MGRN1: variants seen among roughly 807,000 people sequenced by gnomAD.
MGRN1 encodes the protein mahogunin ring finger 1, also known as E3 ubiquitin-protein ligase MGRN1.
In MGRN1, 29 loss-of-function variants were observed where a neutral mutation model predicts 69.2. The observed-to-expected ratio is 0.42, with a 90% CI of 0.31 to 0.57. The LOEUF (loss-of-function observed/expected upper bound fraction) is 0.57. Among genes scored for constraint, MGRN1 ranks in the 20% least tolerant of loss-of-function variants. The pLI is 0.15. For synonymous variants in MGRN1, 470 were observed against 344.2 expected (o/e 1.37, Z -4.04); for missense variants, 998 against 796.2 (o/e 1.25, Z -3.05).
At chr16:4,674,152 T>C (rs1326576972) in intron 10 of MGRN1, among the ~76,000 whole-genome samples, 3 of 152,090 alleles carry the variant, frequency 2.0e-5, no homozygotes, top group Non-Finnish European at 2.9e-5. Flanking sequence ...GGCCAGCTAA[T>C]ATTTTACTTT....
chr16:4,659,625 C>A (rs147319611), intron 5 of MGRN1, among the ~76,000 whole-genome samples: 1 of 152,244 alleles, frequency 6.6e-6, no homozygotes. Flanking sequence ...AAGGAGGGCC[C>A]GCGTGCAGCA....
In MGRN1 at chr16:4,657,738, CTTTTTTTT is replaced by C. The variant is rs1157518931; in HGVS notation, c.561+395_561+402del. Among the ~76,000 whole-genome samples, 74 of 77,048 alleles carry C rather than the reference CTTTTTTTT, an allele frequency of 9.6e-4. 1 individual carries two copies. The highest frequency in any genetic ancestry group is 1.1e-3 in the South Asian group (2 of 1,858). 50.5% of individuals were successfully genotyped at this position (77,048 alleles called of 152,430 possible). A position where few individuals can be genotyped will look rare whatever the true frequency, so the allele number is the denominator to read the frequency against. Reference sequence around the variant, plus strand: ...TGTTTAAAATCTTGGTGCAGACATCCTTTTTTTTTTTTTTTTTTTTTTTTTTTGAGACA... The same window carrying C: ...TGTTTAAAATCTTGGTGCAGACATCCTTTTTTTTTTTTTTTTTTTGAGACA... On this transcript the variant is annotated intron_variant, in intron 5 of 16. Transcript: ENST00000262370.
Position 4,683,245 on chromosome 16 carries a change from G to A in MGRN1, c.1504G>A (p.Asp502Asn). The A allele has an allele frequency of 6.2e-7, 1 of 1,613,816 alleles. No homozygotes were observed. The change falls in exon 15 of 17, where the codon GAT (aspartate) becomes AAT (asparagine). Residue 502 changes from aspartate (D) to asparagine (N), a missense_variant. Transcript: ENST00000262370. ...CTAGAGTTTCATAACAGAAGAGGTT[G>A]ATGAGTCGTCGTCACCACAGCAAGG... ...SPESFITEEV[D>N]ESSSPQQGTR...
At chr16:4,678,558 CAG>C (rs1241408816) in intron 11 of MGRN1, among the ~76,000 whole-genome samples, 1 of 151,506 alleles carries the variant, frequency 6.6e-6, no homozygotes, top group Non-Finnish European at 1.5e-5. Context: ...TGTGGAGAGA[CAG>C]GGTGAGAGAG....
rs984798310 is a variant in MGRN1, at chr16:4,639,866, C to A, written c.89-10499C>A. On this transcript the variant is annotated intron_variant, in intron 1 of 16. Transcript: ENST00000262370. ...GAAAACTGTGAGCGTGGAGTTCAGGCACAGGCAGGCGGGGCAGGTGCTTTC... is the reference window on the plus strand; with the variant it reads ...GAAAACTGTGAGCGTGGAGTTCAGGAACAGGCAGGCGGGGCAGGTGCTTTC... The A allele has an allele frequency of 3.9e-5, 6 of 152,236 alleles. No homozygotes were observed. In the East Asian group the frequency reaches 1.2e-3, roughly 29 times the overall value. The allele number at this position is 152,236 out of a possible 1,614,324, so 9.4% of individuals were successfully genotyped here.
At chr16:4,686,821 C>T (rs932084317) in intron 16 of MGRN1, 21 of 987,136 alleles carry the variant, frequency 2.1e-5, no homozygotes, top group South Asian at 4.7e-5. Context: ...GGTCCACTCC[C>T]GTGTTCCGGT....
Position 4,682,860 on chromosome 16 carries a change from G to T in MGRN1, c.1396G>T (p.Asp466Tyr). 1 of 1,608,842 alleles carries T rather than the reference G, an allele frequency of 6.2e-7. No individual in the cohort carries two copies. The stretch of plus-strand genomic sequence containing the variant: ...CCCGTCTTCCCCCATCCACGAAGAG[G>T]ATGAGGAGAAGCTCTCCGAGGACGT... ...RSPSSPIHEE[D>Y]EEKLSEDVDA... Residue 466 changes from aspartate to tyrosine, a missense_variant, in exon 14 of 17, where the codon GAT becomes TAT. By Grantham distance (160) the Asp-to-Tyr change is radical. Coordinates refer to ENST00000262370, the MANE Select transcript of MGRN1 (RefSeq NM_015246.4).
intron 9 of MGRN1, among the ~76,000 whole-genome samples, 172 bp from the exon 10 acceptor site, chr16:4,673,326 T>C (rs2078982554): frequency 6.6e-6 from 1 of 152,112 alleles, no homozygotes; most frequent in African/African-American, 2.4e-5. Flanking sequence ...TTGCACTGGA[T>C]TTGAGCCTGG....
intron 8 of MGRN1, among the ~76,000 whole-genome samples, chr16:4,669,588 C>G (rs933275592): frequency 6.6e-6 from 1 of 152,078 alleles, no homozygotes; most frequent in Non-Finnish European, 1.5e-5. Context: ...CCAGTTTGAG[C>G]CATTGTGTCT....
At chr16:4,648,232 C>A (rs187108406) in intron 1 of MGRN1, among the ~76,000 whole-genome samples, 1 of 152,070 alleles carries the variant, frequency 6.6e-6, no homozygotes, top group Non-Finnish European at 1.5e-5. Context: ...GTCCTCCCCT[C>A]GGAGACTCTT....
chr16:4,624,932 G>A lies in MGRN1; in HGVS notation c.-29G>A. The A allele has an allele frequency of 1.3e-6, 2 of 1,512,194 alleles. No homozygotes were observed. The highest frequency in any genetic ancestry group is 2.9e-5 in the East Asian group (1 of 34,558). 93.7% of individuals were successfully genotyped at this position (1,512,194 alleles called of 1,614,324 possible). A position where few individuals can be genotyped will look rare whatever the true frequency, so the allele number is the denominator to read the frequency against. ...CTGTCGCCGCTCCCGTTCCGGCCCT[G>A]GCCCCTCTGCCCGGCAGCGCCGCGC... On this transcript the variant is annotated 5_prime_UTR_variant, in exon 1 of 17. Transcript: ENST00000262370.
rs1403254734 is a variant in MGRN1, at chr16:4,650,503, T to A, written c.207+20T>A. On this transcript the variant is annotated intron_variant, in intron 2 of 16. Transcript: ENST00000262370. ...GTCCAGGTGGGTCTGGACAGGGCTGTCTCATGGGGCTGTGGGGGTGGGAGG... is the reference window on the plus strand; with the variant it reads ...GTCCAGGTGGGTCTGGACAGGGCTGACTCATGGGGCTGTGGGGGTGGGAGG... 1 of 1,579,796 alleles carries A rather than the reference T, an allele frequency of 6.3e-7. No homozygotes were observed. Among genetic ancestry groups the A allele is most frequent in the South Asian group, 1.1e-5 (1 of 86,994 alleles).
At position 4,687,316 on chromosome 16, in the gene MGRN1, G is replaced by A. The variant is rs1426800906; in HGVS notation, c.1619-1480G>A. 14 of 977,850 alleles carry A rather than the reference G, an allele frequency of 1.4e-5. No individual in the cohort carries two copies. In the Admixed American group the frequency reaches 2.5e-4, roughly 17 times the overall value. 60.6% of individuals were successfully genotyped at this position (977,850 alleles called of 1,614,324 possible). On this transcript the variant is annotated intron_variant, in intron 16 of 16. Transcript: ENST00000262370. The stretch of plus-strand genomic sequence containing the variant: ...TATAAGCCCGGTACTTTGGGAGACC[G>A]AGGGGATAGATCACTTGAGCCCAGG...
chr16:4,631,157 A>G (rs1194743205), intron 1 of MGRN1, among the ~76,000 whole-genome samples: 1 of 152,138 alleles, frequency 6.6e-6, no homozygotes, highest in African/African-American at 2.4e-5. Context: ...TGAGATAAAG[A>G]TCTAAACCCC....
At chr16:4,683,104 G>T in intron 14 of MGRN1, 120 bp from the exon 15 acceptor site, 1 of 1,514,420 alleles carries the variant, frequency 6.6e-7, no homozygotes, top group Non-Finnish European at 9.0e-7. Context: ...GTCTGTGGAG[G>T]CAGCACCCCC....
intron 8 of MGRN1, among the ~76,000 whole-genome samples, chr16:4,670,751 C>T (rs1333319993): frequency 6.9e-6 from 1 of 143,972 alleles, no homozygotes; most frequent in Non-Finnish European, 1.5e-5. Flanking sequence ...GTCCAGGTCC[C>T]TGCAGGTACC....
chr16:4,673,756 G>C (rs963362903), intron 10 of MGRN1, 99 bp downstream of exon 10: 2 of 1,418,622 alleles, frequency 1.4e-6, no homozygotes, highest in African/African-American at 2.8e-5. Context: ...TCCGTTGATG[G>C]CTAAGAAAGA....
rs59579893 is a variant in MGRN1 at position 4,648,732 on chromosome 16, T to C, written c.89-1633T>C. Reference sequence around the variant, plus strand: ...TCCCGTGGTCACCCGGCTCCTCCTCTCGGGGACTCTTCCCGTGGTCACCCG... The same window carrying C: ...TCCCGTGGTCACCCGGCTCCTCCTCCCGGGGACTCTTCCCGTGGTCACCCG... On this transcript the variant is annotated intron_variant, in intron 1 of 16. Coordinates refer to ENST00000262370, the MANE Select transcript of MGRN1 (RefSeq NM_015246.4). 3.9e-3 allele frequency among the ~76,000 whole-genome samples: 248 copies of C among 64,074 alleles called. 5 individuals are homozygous for C. Among genetic ancestry groups the C allele is most frequent in the African/African-American group, 0.022 (211 of 9,660 alleles). 42.0% of individuals were successfully genotyped at this position (64,074 alleles called of 152,430 possible).
chr16:4,636,047 C>G (rs1013525079), intron 1 of MGRN1, among the ~76,000 whole-genome samples: 2 of 151,982 alleles, frequency 1.3e-5, no homozygotes, highest in African/African-American at 4.8e-5. Flanking sequence ...GGTGATCCAC[C>G]TGCCTCGGCC....
Sources: allele counts gnomAD v4.1 joint callset (sites outside exome capture counted in the v4.1 genomes callset), GRCh38; gene constraint gnomAD v4.1.1; transcripts MANE v1.5; gene names NCBI Gene and HGNC (gene_info 2026-07-23, HGNC 2026-07-21).